Variants in MELTF observed in about 807,000 individuals in gnomAD.
MELTF encodes the protein melanotransferrin.
Under a neutral mutation model 83.7 loss-of-function variants are expected in MELTF, and 67 were observed. That is an observed-to-expected ratio of 0.80 (90% CI 0.66 to 0.98). MELTF has a LOEUF of 0.98. MELTF is among the 50% of genes least tolerant of loss of function. The pLI is 0.00. For missense variants in MELTF, 1,002 were observed against 1,035.6 expected (o/e 0.97, Z 0.44); for synonymous variants, 462 against 447.6 (o/e 1.03, Z -0.41).
chr3:197,013,032 T>C (rs1425251218), intron 9 of MELTF, among the ~76,000 whole-genome samples: 1 of 152,156 alleles, frequency 6.6e-6, no homozygotes, highest in Non-Finnish European at 1.5e-5. Context: ...AATGCTGAAC[T>C]TCCCTATGAA....
chr3:197,024,680 A>C lies in MELTF; in HGVS notation c.305-195T>G, dbSNP rs1719781489. On this transcript the variant is annotated intron_variant, in intron 3 of 15. Transcript: ENST00000296350. This position sits in a 1 kb window ranked among gnomAD's most constrained non-coding sequence, Gnocchi z 5.3. ...CATGTATTAAGAGGCCCTGCCCTCT[A>C]GCCTCTTGAGGTAGAGACGATCCTG... Among the ~76,000 whole-genome samples, 1 of 152,228 alleles carries C rather than the reference A, an allele frequency of 6.6e-6. No homozygotes were observed. Among genetic ancestry groups the C allele is most frequent in the Non-Finnish European group, 1.5e-5 (1 of 68,032 alleles).
At chr3:197,015,922 G>T (rs999267650) in intron 8 of MELTF, among the ~76,000 whole-genome samples, 1 of 152,148 alleles carries the variant, frequency 6.6e-6, no homozygotes, top group Non-Finnish European at 1.5e-5. Flanking sequence ...CCGTGGATGG[G>T]GGGGCGAGGA....
intron 9 of MELTF, among the ~76,000 whole-genome samples, chr3:197,013,291 C>T (rs376201714): frequency 3.3e-4 from 50 of 152,280 alleles, no homozygotes; most frequent in Admixed American, 2.3e-3. Context: ...CTTCAGTGGA[C>T]GCTGCTGGGA....
In MELTF at chr3:197,024,464, G is replaced by C. The variant is rs1457806261; in HGVS notation, c.326C>G (p.Ala109Gly). The change falls in exon 4 of 16, where the codon GCC (alanine) becomes GGC (glycine). Residue 109 changes from alanine to glycine, a missense_variant. Ala to Gly is a moderately conservative substitution (Grantham distance 60). Coordinates refer to ENST00000296350, the MANE Select transcript of MELTF (RefSeq NM_005929.6). The surrounding 1 kb of genome is among the most constrained non-coding windows in gnomAD (Gnocchi z 5.3). ...YDQEVGTSYY[A>G]VAVVRRSSHV... ...GGAGCTCCTCCTGACCACAGCCACG[G>C]CGTAATAGGAGGTACCGACCTCTAG... 6.3e-7 allele frequency: 1 copy of C among 1,595,954 alleles called. No individual in the cohort carries two copies. The highest frequency in any genetic ancestry group is 1.3e-5 in the African/African-American group (1 of 74,536).
At chr3:197,012,532 A>G (rs1166509179) in intron 9 of MELTF, among the ~76,000 whole-genome samples, 1 of 152,254 alleles carries the variant, frequency 6.6e-6, no homozygotes, top group East Asian at 1.9e-4. Flanking sequence ...TGGCCTGGGC[A>G]GAGTTGGCAC....
rs573097847 is a variant in MELTF at position 197,001,830 on chromosome 3, AG to A, written c.*1541del. ...CATGTTTCATTAGCACTGACACAGCAGGGGTCCCCTGCTGCCACCTGACAAT... is the reference window on the plus strand; with the variant it reads ...CATGTTTCATTAGCACTGACACAGCAGGGTCCCCTGCTGCCACCTGACAAT... On this transcript the variant is annotated 3_prime_UTR_variant, in exon 16 of 16. Coordinates refer to ENST00000296350, the MANE Select transcript of MELTF (RefSeq NM_005929.6). 4.6e-5 allele frequency: 7 copies of A among 152,080 alleles called. No individual in the cohort carries two copies. In the South Asian group the frequency reaches 1.5e-3, roughly 32 times the overall value. The allele number at this position is 152,080 out of a possible 1,614,324, so 9.4% of individuals were successfully genotyped here. A position where few individuals can be genotyped will look rare whatever the true frequency, so the allele number is the denominator to read the frequency against.
intron 9 of MELTF, among the ~76,000 whole-genome samples, chr3:197,012,070 G>A (rs904798918): frequency 1.3e-5 from 2 of 152,310 alleles, no homozygotes; most frequent in Middle Eastern, 3.4e-3. Flanking sequence ...CTCTGTCACC[G>A]TCACACACAG....
In MELTF at chr3:197,003,469, G is replaced by A. The variant is rs1718839381; in HGVS notation, c.2138-18C>T. The A allele has an allele frequency of 9.4e-7, 1 of 1,069,248 alleles. No individual in the cohort carries two copies. 66.2% of individuals were successfully genotyped at this position (1,069,248 alleles called of 1,614,324 possible). On this transcript the variant is annotated intron_variant, in intron 15 of 15. Transcript: ENST00000296350. The surrounding 1 kb of genome is among the most constrained non-coding windows in gnomAD (Gnocchi z 6.2). Reference sequence around the variant, plus strand: ...CGGGGCCGCTGGGGACGAACGCGGCGGGTCAGGCCCCGAAGCCCGGGCCGC... The same window carrying A: ...CGGGGCCGCTGGGGACGAACGCGGCAGGTCAGGCCCCGAAGCCCGGGCCGC...
Position 197,008,885 on chromosome 3 carries a change from C to T in MELTF, c.1606G>A (p.Val536Met), listed in dbSNP as rs189348794. Residue 536 changes from valine to methionine, a missense_variant, in exon 12 of 16, where the codon GTG becomes ATG. Physicochemically the swap from Val to Met is conservative, Grantham distance 21 (BLOSUM62 1). Coordinates refer to ENST00000296350, the MANE Select transcript of MELTF (RefSeq NM_005929.6). The surrounding 1 kb of genome is among the most constrained non-coding windows in gnomAD (Gnocchi z 5.4). ...TTGTTGCGGCCCTGCTCGTCCCCCA[C>T]GCACAGTGCACACAGCGAGGAGGGG... ...NYPSSLCALCVGDEQGRNKCV... is the reference protein window; with the variant it reads ...NYPSSLCALCMGDEQGRNKCV... The T allele has an allele frequency of 5.1e-5, 83 of 1,614,190 alleles. No homozygotes were observed. The East Asian group carries it at 9.4e-4, about 18-fold the overall frequency.
At chr3:197,010,880 G>T in intron 9 of MELTF, 86 bp from the exon 10 acceptor site, 2 of 1,215,780 alleles carry the variant, frequency 1.6e-6, no homozygotes, top group Non-Finnish European at 2.4e-6. Context: ...GCAGGGCCTG[G>T]TCTCTTGGGG....
intron 7 of MELTF, among the ~76,000 whole-genome samples, chr3:197,016,630 G>A (rs1260711685): frequency 6.6e-6 from 1 of 152,244 alleles, no homozygotes; most frequent in Admixed American, 6.5e-5. Context: ...GGCCAGGCAT[G>A]GGACGGTCCT....
chr3:197,015,616 T>C, intron 8 of MELTF, 100 bp from the exon 9 acceptor site: 5 of 1,319,826 alleles, frequency 3.8e-6, no homozygotes, highest in Non-Finnish European at 5.2e-6. Context: ...TCCTGTCAGG[T>C]GTGTGGCTGG....
At chr3:197,012,667 C>T (rs3773862) in intron 9 of MELTF, among the ~76,000 whole-genome samples, 59,433 of 152,200 alleles carry the variant, frequency 0.39, 12,573 homozygotes, top group East Asian at 0.6. Flanking sequence ...GCTGGACACC[C>T]GTGACCACAG....
At position 197,022,927 on chromosome 3, in the gene MELTF, T is replaced by TCGGCCCCTCCCTGCCCC; in HGVS notation, c.644+13_644+29dup. 6.3e-7 allele frequency: 1 copy of TCGGCCCCTCCCTGCCCC among 1,575,794 alleles called. No individual in the cohort carries two copies. Among genetic ancestry groups the TCGGCCCCTCCCTGCCCC allele is most frequent in the South Asian group, 1.2e-5 (1 of 86,846 alleles). The stretch of plus-strand genomic sequence containing the variant: ...TTGTGGCCTCAGCTCCTCCCTGCCC[T>TCGGCCCCTCCCTGCCCC]CGGCCCCTCCCTGCCCCCACTCCGC... On this transcript the variant is annotated intron_variant, in intron 5 of 15. Transcript: ENST00000296350. The surrounding 1 kb of genome is among the most constrained non-coding windows in gnomAD (Gnocchi z 5.1).
At position 197,026,664 on chromosome 3, in the gene MELTF, A is replaced by G; in HGVS notation, c.300T>C (p.Asp100=). The stretch of plus-strand genomic sequence containing the variant: ...CCTCCCACTGCACCCTCTTACCTTG[A>G]TCGTACACTTCGCCCACCACCGGCT... The part of the protein sequence containing the change: ...GLKPVVGEVY[D]QEVGTSYYAV... Residue 100 remains aspartate, a synonymous_variant, in exon 3 of 16, where the codon GAT becomes GAC. Coordinates refer to ENST00000296350, the MANE Select transcript of MELTF (RefSeq NM_005929.6). The G allele has an allele frequency of 6.2e-7, 1 of 1,612,926 alleles. No individual in the cohort carries two copies. Among genetic ancestry groups the G allele is most frequent in the Non-Finnish European group, 8.5e-7 (1 of 1,179,900 alleles).
rs1236110604 is a variant in MELTF at position 197,019,905 on chromosome 3, G to A, written c.712+1499C>T. On this transcript the variant is annotated intron_variant, in intron 6 of 15. Coordinates refer to ENST00000296350, the MANE Select transcript of MELTF (RefSeq NM_005929.6). Reference sequence around the variant, plus strand: ...GGAGACGCAAAACTGCAGACAGAACGGTGTGTTTGCTGCTTGCTGGCAGGT... The same window carrying A: ...GGAGACGCAAAACTGCAGACAGAACAGTGTGTTTGCTGCTTGCTGGCAGGT... 6.5e-5 allele frequency: 93 copies of A among 1,424,168 alleles called. 3 individuals are homozygous for A. The South Asian group carries it at 1.2e-3, about 19-fold the overall frequency. The allele number at this position is 1,424,168 out of a possible 1,614,324, so 88.2% of individuals were successfully genotyped here.
intron 3 of MELTF, 77 bp downstream of exon 3, chr3:197,026,583 C>T: frequency 1.5e-6 from 2 of 1,348,218 alleles, no homozygotes; most frequent in South Asian, 1.2e-5. Flanking sequence ...CCAGCTCAGG[C>T]CAGGCCCAGC....
In MELTF at chr3:197,010,943, TC is replaced by T. The variant is rs200123516; in HGVS notation, c.1234-150del. The T allele has an allele frequency of 5.0e-4, 336 of 676,830 alleles. 3 individuals are homozygous for T. In the East Asian group the frequency reaches 9.0e-3, roughly 18 times the overall value. The allele number at this position is 676,830 out of a possible 1,614,324, so 41.9% of individuals were successfully genotyped here. ...GGGAATGTGGGTGGGGAGTACCCCA[TC>T]CTGGCAGTCTGTCCCTTCCTCTCCT... On this transcript the variant is annotated intron_variant, in intron 9 of 15. Coordinates refer to ENST00000296350, the MANE Select transcript of MELTF (RefSeq NM_005929.6).
In MELTF at chr3:197,029,391, G is replaced by T; in HGVS notation, c.49+263C>A. The T allele has an allele frequency of 5.4e-6, 2 of 372,888 alleles. No individual in the cohort carries two copies. Among genetic ancestry groups the T allele is most frequent in the Non-Finnish European group, 4.8e-6 (1 of 210,058 alleles). 23.1% of individuals were successfully genotyped at this position (372,888 alleles called of 1,614,324 possible). ...CCACACCCCGAGGCCTCCCCACCAC[G>T]CCTCAGCCCGCGCTTCTCCTTGGAG... On this transcript the variant is annotated intron_variant, in intron 1 of 15. Coordinates refer to ENST00000296350, the MANE Select transcript of MELTF (RefSeq NM_005929.6). The surrounding 1 kb of genome is among the most constrained non-coding windows in gnomAD (Gnocchi z 6.5).
Sources: gnomAD v4.1 joint callset for allele counts (sites outside exome capture counted in the v4.1 genomes callset) on GRCh38, gnomAD v4.1.1 for gene constraint, Gnocchi (gnomAD v3.1) non-coding constraint, MANE v1.5 for transcripts, NCBI Gene and HGNC (gene_info 2026-07-23, HGNC 2026-07-21) for gene names.